Variants in MKLN1 observed in about 807,000 individuals in gnomAD.
MKLN1 encodes muskelin.
Under a neutral mutation model 99.0 loss-of-function variants are expected in MKLN1, and 18 were observed. The ratio of observed to expected loss-of-function variants is 0.18; its 90% CI spans 0.13 to 0.27. The LOEUF (loss-of-function observed/expected upper bound fraction) is 0.27. Among genes scored for constraint, MKLN1 ranks in the 10% least tolerant of loss-of-function variants. MKLN1 has a pLI of 1.00. For missense variants in MKLN1, 621 were observed against 875.9 expected (o/e 0.71, Z 3.67); for synonymous variants, 288 against 293.2 (o/e 0.98, Z 0.18).
chr7:131,209,759 C>T (rs11760561), intron 3 of MKLN1, among the ~76,000 whole-genome samples: 27,824 of 152,134 alleles, frequency 0.18, 2,997 homozygotes, highest in Non-Finnish European at 0.25. Context: ...GATACTCAAT[C>T]CCCTCATCTC....
intron 3 of MKLN1, among the ~76,000 whole-genome samples, chr7:131,207,572 A>G (rs1037208308): frequency 3.3e-5 from 5 of 152,204 alleles, no homozygotes; most frequent in Admixed American, 1.3e-4. Flanking sequence ...CAGCATCACT[A>G]GCATGCCATG....
At chr7:131,327,872 C>T (rs992062939), upstream of MKLN1, 14 of 1,606,738 alleles carry the variant, frequency 8.7e-6, no homozygotes, top group East Asian at 1.1e-4. Flanking sequence ...TGCCAGCGGT[C>T]GGTGGCGGCC....
intron 1 of MKLN1, among the ~76,000 whole-genome samples, chr7:131,355,469 G>A (rs1799845261): frequency 6.6e-6 from 1 of 151,408 alleles, no homozygotes; most frequent in Non-Finnish European, 1.5e-5. Flanking sequence ...GTATATATCA[G>A]GACTGTTTAA....
At chr7:131,449,961 G>A (rs538866309) in intron 12 of MKLN1, among the ~76,000 whole-genome samples, 24 of 152,174 alleles carry the variant, frequency 1.6e-4, no homozygotes, top group Middle Eastern at 3.4e-3. Context: ...CTCTAGTTTC[G>A]ACTGGTGTTA....
intron 1 of MKLN1, among the ~76,000 whole-genome samples, chr7:131,136,876 C>T (rs1053051778): frequency 6.6e-6 from 1 of 152,162 alleles, no homozygotes; most frequent in Admixed American, 6.5e-5. Flanking sequence ...AGACAGAGCC[C>T]CAAACCACAT....
At chr7:131,359,973 T>G (rs970468492) in intron 1 of MKLN1, among the ~76,000 whole-genome samples, 1 of 152,112 alleles carries the variant, frequency 6.6e-6, no homozygotes, top group Non-Finnish European at 1.5e-5. Context: ...GGTCTTGAAC[T>G]CCTGACTTCA....
chr7:131,201,612 A>G (rs529496674), intron 2 of MKLN1, among the ~76,000 whole-genome samples: 3 of 152,314 alleles, frequency 2.0e-5, no homozygotes, highest in Admixed American at 6.5e-5. Flanking sequence ...TGTATACTGT[A>G]TCTACTTTGG....
chr7:131,271,909 CAA>C lies in MKLN1; in HGVS notation c.-179+68949_-179+68950del, dbSNP rs35730081. Among the ~76,000 whole-genome samples, 470 of 143,282 alleles carry C rather than the reference CAA, an allele frequency of 3.3e-3. 3 individuals carry two copies. In the Middle Eastern group the frequency reaches 0.04, roughly 12 times the overall value. The allele number at this position is 143,282 out of a possible 152,430, so 94.0% of individuals were successfully genotyped here. Reference sequence around the variant, plus strand: ...AGGCAACAAAAGCGAAACTCTGTCTCAAAAAAAAAAAAAAATCAAAGATTTGT... The same window carrying C: ...AGGCAACAAAAGCGAAACTCTGTCTCAAAAAAAAAAAAATCAAAGATTTGT... On this transcript the variant is annotated intron_variant, in intron 3 of 7. Coordinates refer to the MKLN1 transcript ENST00000416992.
At chr7:131,298,066 G>A (rs1798320357) in intron 3 of MKLN1, among the ~76,000 whole-genome samples, 1 of 152,042 alleles carries the variant, frequency 6.6e-6, no homozygotes, top group Non-Finnish European at 1.5e-5. Context: ...GATGGATCAC[G>A]AGGTCAGGAG....
chr7:131,394,285 A>G (rs1291780465), intron 4 of MKLN1, among the ~76,000 whole-genome samples: 1 of 151,934 alleles, frequency 6.6e-6, no homozygotes. Context: ...AGCTTCCTTT[A>G]TATCAGTGGT....
At chr7:131,132,178 A>C (rs1217936383) in intron 1 of MKLN1, among the ~76,000 whole-genome samples, 3 of 152,236 alleles carry the variant, frequency 2.0e-5, no homozygotes, top group Non-Finnish European at 4.4e-5. Flanking sequence ...CAAGTGCAAA[A>C]GATCTCAAGA....
chr7:131,229,872 C>T (rs1584853105), intron 3 of MKLN1, among the ~76,000 whole-genome samples: 1 of 152,304 alleles, frequency 6.6e-6, no homozygotes, highest in Admixed American at 6.5e-5. Flanking sequence ...TCTCTTAGAT[C>T]TAACAAAGGC....
At chr7:131,369,360 CT>C (rs1800276729) in intron 1 of MKLN1, among the ~76,000 whole-genome samples, 1 of 152,128 alleles carries the variant, frequency 6.6e-6, no homozygotes, top group South Asian at 2.1e-4. Context: ...TCTTTTCTCC[CT>C]AATTTTCTGA....
intron 5 of MKLN1, 79 bp downstream of exon 5, chr7:131,397,455 A>T: frequency 1.4e-6 from 1 of 727,298 alleles, no homozygotes; most frequent in Non-Finnish European, 2.2e-6. Context: ...ATTGAGAATA[A>T]TTTAAAATAT....
At chr7:131,309,574 G>A (rs1798525460) in intron 3 of MKLN1, among the ~76,000 whole-genome samples, 1 of 151,864 alleles carries the variant, frequency 6.6e-6, no homozygotes, top group South Asian at 2.1e-4. Context: ...CATCACAGCT[G>A]GCTAATTGTT....
At chr7:131,449,050 G>C (rs1191832684) in intron 12 of MKLN1, among the ~76,000 whole-genome samples, 1 of 152,218 alleles carries the variant, frequency 6.6e-6, no homozygotes, top group East Asian at 1.9e-4. Context: ...TACACTGGAT[G>C]CCGTGATAAT....
At position 131,477,485 on chromosome 7, in the gene MKLN1, T is replaced by A. The variant is rs1203375454; in HGVS notation, c.2032-1138T>A. Among the ~76,000 whole-genome samples the A allele has an allele frequency of 2.0e-5, 3 of 151,988 alleles. No homozygotes were observed. The East Asian group carries it at 5.8e-4, about 29-fold the overall frequency. The stretch of plus-strand genomic sequence containing the variant: ...TCACGCCACTGCACTCCCACCTTGG[T>A]GACAGAGCGAGACCCTGCCTCAAAA... On this transcript the variant is annotated intron_variant, in intron 16 of 17. Coordinates refer to ENST00000352689, the MANE Select transcript of MKLN1 (RefSeq NM_013255.5).
At chr7:131,317,374 G>T (rs1278904797) in intron 3 of MKLN1, among the ~76,000 whole-genome samples, 1 of 152,160 alleles carries the variant, frequency 6.6e-6, no homozygotes. Flanking sequence ...AAGCAAAGGA[G>T]AAATAAAATC....
intron 2 of MKLN1, among the ~76,000 whole-genome samples, chr7:131,382,256 T>C (rs897583894): frequency 6.6e-6 from 1 of 151,988 alleles, no homozygotes; most frequent in Non-Finnish European, 1.5e-5. Context: ...TCTCAGCTAT[T>C]TGGGAGGCTG....
Sources: gnomAD v4.1 joint callset for allele counts (sites outside exome capture counted in the v4.1 genomes callset) on GRCh38, gnomAD v4.1.1 for gene constraint, MANE v1.5 for transcripts, NCBI Gene and HGNC (gene_info 2026-07-23, HGNC 2026-07-21) for gene names.